The following KANSL2 variants were observed in gnomAD, a reference collection of about 807,000 sequenced individuals.
KANSL2 encodes NSL complex protein NSL2.
Under a neutral mutation model 55.6 loss-of-function variants are expected in KANSL2, and 34 were observed. The ratio of observed to expected loss-of-function variants is 0.61; its 90% CI spans 0.46 to 0.81. The LOEUF (loss-of-function observed/expected upper bound fraction) is 0.81. KANSL2 is among the 40% of genes least tolerant of loss of function. KANSL2 has a pLI of 0.00. For missense variants in KANSL2, 502 were observed against 609.9 expected (o/e 0.82, Z 1.86); for synonymous variants, 209 against 214.3 (o/e 0.98, Z 0.22).
In KANSL2 at chr12:48,671,788, A is replaced by G. The variant is rs775686385; in HGVS notation, c.709+11T>C. The G allele has an allele frequency of 1.3e-5, 21 of 1,603,538 alleles. No individual in the cohort carries two copies. The highest frequency in any genetic ancestry group is 1.7e-5 in the Non-Finnish European group (20 of 1,174,782). ...CCCACAACAGCTTGTTGGAACTGGC[A>G]TAAAACTTGCCTAGAGCTTCATGTT... On this transcript the variant is annotated intron_variant, in intron 5 of 9. Coordinates refer to ENST00000420613, the MANE Select transcript of KANSL2 (RefSeq NM_017822.4).
chr12:48,659,325 C>A (rs1212460320), intron 8 of KANSL2, among the ~76,000 whole-genome samples: 1 of 143,066 alleles, frequency 7.0e-6, no homozygotes, highest in Admixed American at 6.9e-5. Flanking sequence ...AGTGGCCAGG[C>A]ACAGTGGTTC....
chr12:48,660,062 T>G (rs898738900), intron 8 of KANSL2, among the ~76,000 whole-genome samples: 1 of 152,170 alleles, frequency 6.6e-6, no homozygotes, highest in South Asian at 2.1e-4. Context: ...TGAAATTAGA[T>G]AGTGGTGGTA....
intron 4 of KANSL2, among the ~76,000 whole-genome samples, chr12:48,677,882 C>G (rs1939853857): frequency 6.8e-6 from 1 of 147,654 alleles, no homozygotes; most frequent in South Asian, 2.2e-4. Context: ...CCCTTTCCAA[C>G]TACTTAGATG....
At chr12:48,682,054 G>A in intron 1 of KANSL2, 133 bp downstream of exon 1, 1 of 703,040 alleles carries the variant, frequency 1.4e-6, no homozygotes, top group Non-Finnish European at 2.6e-6. Flanking sequence ...GGAGATCCTG[G>A]CTCCTGGAAG....
At chr12:48,658,047 A>ATGT (rs1939421602) in intron 8 of KANSL2, among the ~76,000 whole-genome samples, 1 of 151,792 alleles carries the variant, frequency 6.6e-6, no homozygotes, top group African/African-American at 2.4e-5. Flanking sequence ...CCTGGCCAAC[A>ATGT]TGGTGAAACC....
intron 7 of KANSL2, among the ~76,000 whole-genome samples, chr12:48,665,077 T>C (rs1939569359): frequency 6.6e-6 from 1 of 152,056 alleles, no homozygotes; most frequent in Non-Finnish European, 1.5e-5. Context: ...GGTCTTACTG[T>C]ATTGTCCAGG....
At chr12:48,664,684 C>T (rs1939558367) in intron 7 of KANSL2, among the ~76,000 whole-genome samples, 1 of 147,292 alleles carries the variant, frequency 6.8e-6, no homozygotes, top group Non-Finnish European at 1.5e-5. Context: ...CAGGTTCAAG[C>T]AATTCTCTGC....
At chr12:48,656,538 C>G in intron 8 of KANSL2, 1 of 344,028 alleles carries the variant, frequency 2.9e-6, no homozygotes, top group South Asian at 2.2e-5. Flanking sequence ...TCCCAAAGTG[C>G]TGGGATTACA....
chr12:48,680,162 C>T (rs1199718983), intron 2 of KANSL2: 3 of 191,792 alleles, frequency 1.6e-5, no homozygotes, highest in African/African-American at 2.3e-5. Context: ...TTGGTTCAAG[C>T]GATCCTCCTG....
At chr12:48,679,328 A>C (rs1939879825) in intron 3 of KANSL2, 178 bp from the exon 4 acceptor site, 1 of 673,498 alleles carries the variant, frequency 1.5e-6, no homozygotes, top group African/African-American at 1.8e-5. Flanking sequence ...CAACCCAAGT[A>C]AGATTACTTA....
intron 4 of KANSL2, among the ~76,000 whole-genome samples, chr12:48,677,784 C>CAA (rs56147873): frequency 0.028 from 1,336 of 47,666 alleles, 143 homozygotes; most frequent in Non-Finnish European, 0.034. Context: ...GACTCCATCT[C>CAA]AAAAAAAAAA....
In KANSL2 at chr12:48,653,802, A is replaced by G; in HGVS notation, c.*242T>C. The stretch of plus-strand genomic sequence containing the variant: ...CAAAGATGTCACTTTCCTTTTAGGT[A>G]TAGTCCCAAATAATCCCAGAAGCTT... On this transcript the variant is annotated 3_prime_UTR_variant, in exon 10 of 10. Transcript: ENST00000420613. 1 of 377,662 alleles carries G rather than the reference A, an allele frequency of 2.6e-6. No individual in the cohort carries two copies. The highest frequency in any genetic ancestry group is 4.7e-6 in the Non-Finnish European group (1 of 213,342). The allele number at this position is 377,662 out of a possible 1,614,324, so 23.4% of individuals were successfully genotyped here. A position where few individuals can be genotyped will look rare whatever the true frequency, so the allele number is the denominator to read the frequency against.
intron 2 of KANSL2, 123 bp downstream of exon 2, chr12:48,681,259 T>C (rs1420218558): frequency 1.7e-6 from 2 of 1,153,144 alleles, no homozygotes; most frequent in Non-Finnish European, 2.4e-6. Flanking sequence ...TTTCCAAGGA[T>C]ACAACCATAA....
intron 4 of KANSL2, among the ~76,000 whole-genome samples, chr12:48,678,429 T>A (rs1045624483): frequency 6.6e-6 from 1 of 152,036 alleles, no homozygotes; most frequent in Admixed American, 6.6e-5. Flanking sequence ...GAAACCAAAC[T>A]CTTGAATACC....
Position 48,681,573 on chromosome 12 carries a change from G to C in KANSL2, c.60C>G (p.Pro20=). The change falls in exon 2 of 10, where the codon CCC becomes CCG. Residue 20 remains proline (P), a synonymous_variant. Transcript: ENST00000420613. ...CACAAGACAGAGGTTCCTGAGACCT[G>C]GGCACTGGAGTGATCCTCCCCCGAT... ...PTNRGRITPV[P]RSQEPLSCAF... The C allele has an allele frequency of 6.2e-7, 1 of 1,613,970 alleles. No individual in the cohort carries two copies. The highest frequency in any genetic ancestry group is 8.5e-7 in the Non-Finnish European group (1 of 1,179,886).
At position 48,653,806 on chromosome 12, in the gene KANSL2, T is replaced by A. The variant is rs1939326761; in HGVS notation, c.*238A>T. On this transcript the variant is annotated 3_prime_UTR_variant, in exon 10 of 10. Transcript: ENST00000420613. ...GATGTCACTTTCCTTTTAGGTATAG[T>A]CCCAAATAATCCCAGAAGCTTTGAT... 1 of 398,912 alleles carries A rather than the reference T, an allele frequency of 2.5e-6. No individual in the cohort carries two copies. The highest frequency in any genetic ancestry group is 4.4e-5 in the Admixed American group (1 of 22,884). The allele number at this position is 398,912 out of a possible 1,614,324, so 24.7% of individuals were successfully genotyped here. A position where few individuals can be genotyped will look rare whatever the true frequency, so the allele number is the denominator to read the frequency against.
chr12:48,670,131 G>A (rs1422448395), intron 5 of KANSL2, among the ~76,000 whole-genome samples: 2 of 151,170 alleles, frequency 1.3e-5, no homozygotes, highest in African/African-American at 4.9e-5. Context: ...AACCCGGGAG[G>A]TGGAGGTTGC....
At chr12:48,672,222 G>A (rs1364621029) in intron 4 of KANSL2, among the ~76,000 whole-genome samples, 1 of 151,826 alleles carries the variant, frequency 6.6e-6, no homozygotes, top group African/African-American at 2.4e-5. Flanking sequence ...TTTGCATTAT[G>A]TTGAAAAGAA....
chr12:48,654,628 C>G, intron 9 of KANSL2: 1 of 519,648 alleles, frequency 1.9e-6, no homozygotes. Context: ...GGTATGATTT[C>G]CCTAGATTCC....
Sources: allele counts gnomAD v4.1 joint callset (sites outside exome capture counted in the v4.1 genomes callset), GRCh38; gene constraint gnomAD v4.1.1; transcripts MANE v1.5; gene names NCBI Gene and HGNC (gene_info 2026-07-23, HGNC 2026-07-21).